The following TMED8 variants were observed in gnomAD, a reference collection of about 807,000 sequenced individuals.
TMED8 encodes the protein protein TMED8.
Under a neutral mutation model 32.7 loss-of-function variants are expected in TMED8, and 15 were observed. The observed-to-expected ratio is 0.46, with a 90% confidence interval of 0.31 to 0.71. The LOEUF is 0.71. Ranked by LOEUF, TMED8 falls within the 30% of genes least tolerant of loss-of-function variation. TMED8 has a pLI of 0.06. For synonymous variants in TMED8, 147 were observed against 161.4 expected, an observed-to-expected ratio of 0.91 and a Z score of 0.68; for missense variants, 390 against 423.9, an observed-to-expected ratio of 0.92 and a Z score of 0.70.
intron 2 of TMED8, among the ~76,000 whole-genome samples, chr14:77,350,340 G>C (rs1893150310): frequency 6.6e-6 from 1 of 152,226 alleles, no homozygotes; most frequent in East Asian, 1.9e-4. Flanking sequence ...CCTGAGAGCA[G>C]TGATGGACTA....
intron 1 of TMED8, among the ~76,000 whole-genome samples, chr14:77,363,768 T>C (rs1034706161): frequency 3.3e-5 from 5 of 152,044 alleles, no homozygotes; most frequent in African/African-American, 7.2e-5. Flanking sequence ...GCATTCCTCC[T>C]GCCTCAGTCT....
At chr14:77,360,669 C>G (rs751937350) in intron 1 of TMED8, among the ~76,000 whole-genome samples, 2 of 152,180 alleles carry the variant, frequency 1.3e-5, no homozygotes, top group Non-Finnish European at 2.9e-5. Context: ...GAACAGGTAT[C>G]TGAGGCGGTG....
At chr14:77,342,043 TG>T (rs1892917148) in intron 5 of TMED8, 55 bp from the exon 6 acceptor site, 2 of 1,530,172 alleles carry the variant, frequency 1.3e-6, no homozygotes, top group Non-Finnish European at 1.8e-6. Context: ...TGCCTGAAGG[TG>T]AGCGGAAGGA....
rs10141317 is a variant in TMED8, at chr14:77,377,010, G to T, written c.44C>A (p.Pro15His). 0.26 allele frequency: 363,124 copies of T among 1,418,168 alleles called. 48,962 individuals carry two copies. Among genetic ancestry groups the T allele is most frequent in the African/African-American group, 0.42 (27,819 of 66,388 alleles). 87.8% of individuals were successfully genotyped at this position (1,418,168 alleles called of 1,614,324 possible). ...GCCAGCCGACCCTGGGCGGGCTGTG[G>T]GGCTCCAGGAGCCCGGCCCCTCAGC... is the stretch of plus-strand genomic sequence containing the variant. ...QAAEGPGSWS[P>H]TARPGSAGGV... Residue 15 changes from proline (P) to histidine (H), a missense_variant, in exon 1 of 6, where the codon CCC becomes CAC. Physicochemically the swap from Pro to His is moderately conservative, Grantham distance 77 (BLOSUM62 -2). Transcript: ENST00000216468.
chr14:77,376,253 G>A lies in TMED8; in HGVS notation c.118+683C>T, dbSNP rs1893811932. Among the ~76,000 whole-genome samples, 1 of 152,220 alleles carries A rather than the reference G, an allele frequency of 6.6e-6. No individual in the cohort carries two copies. Among genetic ancestry groups the A allele is most frequent in the South Asian group, 2.1e-4 (1 of 4,836 alleles). On this transcript the variant is annotated intron_variant, in intron 1 of 5. Coordinates refer to ENST00000216468, the MANE Select transcript of TMED8 (RefSeq NM_213601.3). This position sits in a 1 kb window ranked among gnomAD's most constrained non-coding sequence, Gnocchi z 4.0. ...ACGTCGTCCTGGACAAGAAGAGGAT[G>A]AGGGTCTTGAGAATGAGGGAGGTAG...
chr14:77,342,321 G>A (rs1892922648), intron 5 of TMED8, among the ~76,000 whole-genome samples: 1 of 152,180 alleles, frequency 6.6e-6, no homozygotes, highest in African/African-American at 2.4e-5. Context: ...ATTTCTGAGA[G>A]GGAGAAAGAG....
intron 1 of TMED8, among the ~76,000 whole-genome samples, chr14:77,366,970 C>G (rs979211716): frequency 6.6e-6 from 1 of 152,038 alleles, no homozygotes; most frequent in African/African-American, 2.4e-5. Context: ...CTAGGCTGGG[C>G]GCAGTGGCTT....
intron 1 of TMED8, among the ~76,000 whole-genome samples, chr14:77,365,759 C>T (rs1893538354): frequency 6.6e-6 from 1 of 152,132 alleles, no homozygotes; most frequent in Non-Finnish European, 1.5e-5. Context: ...TTCAATCTAG[C>T]AGGAAAAAGT....
chr14:77,365,490 A>G (rs1893532131), intron 1 of TMED8, among the ~76,000 whole-genome samples: 1 of 152,220 alleles, frequency 6.6e-6, no homozygotes, highest in African/African-American at 2.4e-5. Flanking sequence ...AAAAATGACC[A>G]GGACTTGGCC....
chr14:77,358,606 A>G (rs1002374750), intron 1 of TMED8, among the ~76,000 whole-genome samples: 6 of 152,208 alleles, frequency 3.9e-5, no homozygotes, highest in African/African-American at 1.4e-4. Flanking sequence ...CCAGATTACA[A>G]GATTTTTAAC....
At position 77,343,377 on chromosome 14, in the gene TMED8, A is replaced by G. The variant is rs750078081; in HGVS notation, c.561T>C (p.Arg187=). 2 of 1,613,992 alleles carry G rather than the reference A, an allele frequency of 1.2e-6. No homozygotes were observed. Among genetic ancestry groups the G allele is most frequent in the Non-Finnish European group, 1.7e-6 (2 of 1,180,014 alleles). ...KEKNSRLVVK[R]GEVVTIRVPT... is the part of the protein sequence containing the mutation. ...GTACCCGGATGGTCACCACCTCACCACGCTTCACCACCAGACGGCTGTTCT... is the reference window on the plus strand; with the variant it reads ...GTACCCGGATGGTCACCACCTCACCGCGCTTCACCACCAGACGGCTGTTCT... Residue 187 remains arginine (R), a synonymous_variant, in exon 5 of 6, where the codon CGT becomes CGC. Coordinates refer to ENST00000216468, the MANE Select transcript of TMED8 (RefSeq NM_213601.3).
chr14:77,344,296 T>C (rs1892978396), intron 3 of TMED8, among the ~76,000 whole-genome samples: 1 of 152,220 alleles, frequency 6.6e-6, no homozygotes, highest in Non-Finnish European at 1.5e-5. Flanking sequence ...TACATTACTG[T>C]CAATCAGCTC....
chr14:77,370,863 C>T (rs190283633), intron 1 of TMED8, among the ~76,000 whole-genome samples: 62 of 151,790 alleles, frequency 4.1e-4, no homozygotes, highest in Admixed American at 3.2e-3. Flanking sequence ...GCAGGAGAAT[C>T]GCTTGAACCC....
At chr14:77,375,695 A>G (rs1395830966) in intron 1 of TMED8, among the ~76,000 whole-genome samples, 1 of 152,192 alleles carries the variant, frequency 6.6e-6, no homozygotes, top group African/African-American at 2.4e-5. Flanking sequence ...GAGGGAAGAT[A>G]CTTGGGATCA....
intron 1 of TMED8, among the ~76,000 whole-genome samples, chr14:77,364,686 C>T (rs60053469): frequency 0.089 from 13,585 of 152,214 alleles, 1,002 homozygotes; most frequent in African/African-American, 0.2. Context: ...CTCACCACCC[C>T]CAGCTTGCAT....
chr14:77,361,564 T>C (rs986653472), intron 1 of TMED8, among the ~76,000 whole-genome samples: 6 of 152,220 alleles, frequency 3.9e-5, no homozygotes, highest in African/African-American at 2.4e-5. Flanking sequence ...TGTGGTTACA[T>C]ACAAATTTTA....
rs1291953830 is a variant in TMED8 at position 77,376,244 on chromosome 14, G to A, written c.118+692C>T. On this transcript the variant is annotated intron_variant, in intron 1 of 5. Coordinates refer to ENST00000216468, the MANE Select transcript of TMED8 (RefSeq NM_213601.3). The surrounding 1 kb of genome is among the most constrained non-coding windows in gnomAD (Gnocchi z 4.0). ...GAAATGGAGACGTCGTCCTGGACAA[G>A]AAGAGGATGAGGGTCTTGAGAATGA... is the stretch of plus-strand genomic sequence containing the variant. Among the ~76,000 whole-genome samples the A allele has an allele frequency of 2.6e-5, 4 of 152,246 alleles. No individual in the cohort carries two copies. The highest frequency in any genetic ancestry group is 5.9e-5 in the Non-Finnish European group (4 of 68,046).
At chr14:77,362,882 C>A (rs1893469924) in intron 1 of TMED8, among the ~76,000 whole-genome samples, 1 of 152,074 alleles carries the variant, frequency 6.6e-6, no homozygotes, top group African/African-American at 2.4e-5. Context: ...ACAAAGAAGG[C>A]CATTATTTGA....
At chr14:77,363,130 A>G (rs72681276) in intron 1 of TMED8, among the ~76,000 whole-genome samples, 2,727 of 152,338 alleles carry the variant, frequency 0.018, 45 homozygotes, top group Middle Eastern at 0.078. Context: ...AATGGGCCCA[A>G]TTTTCCATAC....
Sources: allele counts gnomAD v4.1 joint callset (sites outside exome capture counted in the v4.1 genomes callset), GRCh38; gene constraint gnomAD v4.1.1; non-coding constraint Gnocchi (gnomAD v3.1); transcripts MANE v1.5; gene names NCBI Gene and HGNC (gene_info 2026-07-23, HGNC 2026-07-21).